SF3A1: variants seen among roughly 807,000 people sequenced by gnomAD.
SF3A1 encodes splicing factor 3a subunit 1.
Under a neutral mutation model 89.9 loss-of-function variants are expected in SF3A1, and 13 were observed. That is an observed-to-expected ratio of 0.14 (90% CI 0.09 to 0.23). SF3A1 has a LOEUF of 0.23. SF3A1 is among the 10% of genes least tolerant of loss of function. The probability of loss-of-function intolerance (pLI) is 1.00; values close to 1 mark genes in which losing one functional copy is unlikely to be tolerated. For synonymous variants in SF3A1, 405 were observed against 374.4 expected (o/e 1.08, Z -0.94); for missense variants, 604 against 1,022.1 (o/e 0.59, Z 5.58).
intron 1 of SF3A1, among the ~76,000 whole-genome samples, chr22:30,353,705 G>A (rs1931670469): frequency 6.6e-6 from 1 of 152,174 alleles, no homozygotes; most frequent in South Asian, 2.1e-4. Flanking sequence ...TAAAGGGCTA[G>A]GAATTTCTTT....
intron 2 of SF3A1, among the ~76,000 whole-genome samples, chr22:30,351,413 A>AG (rs1931590371): frequency 6.6e-6 from 1 of 152,228 alleles, no homozygotes; most frequent in South Asian, 2.1e-4. Context: ...ACACTGCCTC[A>AG]GGGGGGTGAC....
At chr22:30,344,548 T>C (rs1001048914) in intron 4 of SF3A1, among the ~76,000 whole-genome samples, 19 of 152,190 alleles carry the variant, frequency 1.2e-4, no homozygotes, top group Admixed American at 5.2e-4. Flanking sequence ...AAACACCTCA[T>C]GGCTTCTTGT....
intron 4 of SF3A1, among the ~76,000 whole-genome samples, chr22:30,343,509 T>G (rs1931327866): frequency 6.6e-6 from 1 of 152,232 alleles, no homozygotes; most frequent in Non-Finnish European, 1.5e-5. Flanking sequence ...CAGCTTCTAC[T>G]GCCACTGGCA....
chr22:30,352,335 A>C (rs1931625096), intron 2 of SF3A1, among the ~76,000 whole-genome samples: 1 of 150,296 alleles, frequency 6.7e-6, no homozygotes, highest in African/African-American at 2.5e-5. Context: ...GCCAGCTAGC[A>C]CCTGCACAGA....
rs1931120531 is a variant in SF3A1 at position 30,337,826 on chromosome 22, C to A, written c.1815G>T (p.Val605=). The A allele has an allele frequency of 6.8e-6, 11 of 1,606,928 alleles. No homozygotes were observed. The highest frequency in any genetic ancestry group is 8.5e-6 in the Non-Finnish European group (10 of 1,177,296). Residue 605 remains valine (V), a synonymous_variant, in exon 12 of 16, where the codon GTG becomes GTT. Transcript: ENST00000215793. ...TCACTGAGCCTGGGGGCAGCCGGAC[C>A]ACAGATGCCATTGGGGGCCGGGGCA... ...PVMPRPPMAS[V]VRLPPGSVIA... is the part of the protein sequence containing the mutation.
chr22:30,348,154 C>T (rs539154005), intron 2 of SF3A1, among the ~76,000 whole-genome samples: 9 of 152,354 alleles, frequency 5.9e-5, no homozygotes, highest in African/African-American at 2.2e-4. Flanking sequence ...CTTTTCAAAT[C>T]GTACAGTGGC....
chr22:30,356,650 G>T, intron 1 of SF3A1, 80 bp downstream of exon 1: 1 of 1,131,150 alleles, frequency 8.8e-7, no homozygotes. Flanking sequence ...CTTCATAGCG[G>T]CCGGCCGCTT....
intron 11 of SF3A1, 44 bp from the exon 12 acceptor site, chr22:30,337,941 G>T: frequency 7.0e-7 from 1 of 1,427,356 alleles, no homozygotes; most frequent in Non-Finnish European, 9.8e-7. Context: ...GCCAAAGTTG[G>T]ACTCCAAGGT....
intron 1 of SF3A1, among the ~76,000 whole-genome samples, chr22:30,354,295 G>A (rs1931691976): frequency 6.6e-6 from 1 of 152,044 alleles, no homozygotes; most frequent in Admixed American, 6.5e-5. Flanking sequence ...CCACTTCCCT[G>A]CCTCCCATCT....
At chr22:30,352,228 C>T (rs1601701265) in intron 2 of SF3A1, among the ~76,000 whole-genome samples, 2 of 152,126 alleles carry the variant, frequency 1.3e-5, no homozygotes, top group Non-Finnish European at 2.9e-5. Context: ...AGGAGGAACT[C>T]AGAGCAATAC....
chr22:30,338,548 C>A (rs1387584586), intron 11 of SF3A1, among the ~76,000 whole-genome samples: 4 of 152,090 alleles, frequency 2.6e-5, no homozygotes, highest in Non-Finnish European at 5.9e-5. Flanking sequence ...GCCCTGCAGC[C>A]CTTCTCTGAC....
chr22:30,335,582 G>A, intron 14 of SF3A1, 44 bp from the exon 15 acceptor site: 1 of 1,611,510 alleles, frequency 6.2e-7, no homozygotes, highest in Non-Finnish European at 8.5e-7. Context: ...GGTAAGGCCA[G>A]CTAGAGGAAG....
intron 4 of SF3A1, 119 bp downstream of exon 4, chr22:30,344,814 G>C: frequency 5.2e-6 from 6 of 1,156,756 alleles, no homozygotes; most frequent in Non-Finnish European, 7.4e-6. Flanking sequence ...CAAAACATTT[G>C]CTCAGAGGCC....
intron 10 of SF3A1, 24 bp downstream of exon 10, chr22:30,339,106 C>T (rs1438341761): frequency 1.2e-6 from 2 of 1,614,066 alleles, no homozygotes; most frequent in Non-Finnish European, 1.7e-6. Flanking sequence ...GCAGAGAAGG[C>T]ACTAGGTTCC....
Position 30,337,023 on chromosome 22 carries a change from T to A in SF3A1, c.2106+3A>T. 6.2e-7 allele frequency: 1 copy of A among 1,614,110 alleles called. No homozygotes were observed. Among genetic ancestry groups the A allele is most frequent in the African/African-American group, 1.3e-5 (1 of 75,030 alleles). On this transcript the variant is annotated splice_donor_region_variant and intron_variant, in intron 13 of 15. Transcript: ENST00000215793. ...ACTTCAGCAGCATTCTGGGATTACA[T>A]ACCTTGTTTCTGCGCAGGAACTCCT...
intron 5 of SF3A1, chr22:30,342,554 A>G: frequency 3.1e-6 from 2 of 648,958 alleles, no homozygotes; most frequent in Non-Finnish European, 5.3e-6. Flanking sequence ...TCTGCTTGGG[A>G]GCTGGCCTTC....
intron 2 of SF3A1, among the ~76,000 whole-genome samples, chr22:30,347,169 T>C (rs757343419): frequency 6.6e-6 from 1 of 152,190 alleles, no homozygotes; most frequent in Non-Finnish European, 1.5e-5. Context: ...TGGTGGTGTG[T>C]GCCTCTAGTC....
chr22:30,341,306 T>A (rs1601693698), intron 7 of SF3A1, among the ~76,000 whole-genome samples: 1 of 151,750 alleles, frequency 6.6e-6, no homozygotes, highest in African/African-American at 2.4e-5. Flanking sequence ...TTGAAGGGGG[T>A]AGGGATGCCT....
intron 2 of SF3A1, among the ~76,000 whole-genome samples, chr22:30,350,788 T>C (rs903924310): frequency 2.6e-5 from 4 of 152,218 alleles, no homozygotes; most frequent in Non-Finnish European, 5.9e-5. Context: ...TTTCTGTATA[T>C]TCTGTTTTTA....
Sources: gnomAD v4.1 joint callset for allele counts (sites outside exome capture counted in the v4.1 genomes callset) on GRCh38, gnomAD v4.1.1 for gene constraint, MANE v1.5 for transcripts, NCBI Gene and HGNC (gene_info 2026-07-23, HGNC 2026-07-21) for gene names.